The following DCP1B variants were observed in gnomAD, a reference collection of about 807,000 sequenced individuals.
The protein encoded by DCP1B is mRNA-decapping enzyme 1B.
Under a neutral mutation model 60.5 loss-of-function variants are expected in DCP1B, and 47 were observed. The ratio of observed to expected loss-of-function variants is 0.78; its 90% CI spans 0.61 to 0.99. The LOEUF is 0.99. Among genes scored for constraint, DCP1B ranks in the 50% least tolerant of loss-of-function variants. The pLI, the probability that DCP1B is intolerant of heterozygous loss-of-function variation, is 0.00. For synonymous variants in DCP1B, 267 were observed against 280.3 expected, an observed-to-expected ratio of 0.95 and a Z score of 0.47; for missense variants, 725 against 756.8, an observed-to-expected ratio of 0.96 and a Z score of 0.49.
intron 3 of DCP1B, among the ~76,000 whole-genome samples, chr12:1,970,131 T>C (rs1186539061): frequency 6.6e-6 from 1 of 152,172 alleles, no homozygotes; most frequent in Non-Finnish European, 1.5e-5. Context: ...AAGAAAACTG[T>C]TGATACAAAT....
At position 2,003,165 on chromosome 12, in the gene DCP1B, T is replaced by A. The variant is rs2042582447; in HGVS notation, c.150+1117A>T. Among the ~76,000 whole-genome samples, 4 of 152,218 alleles carry A rather than the reference T, an allele frequency of 2.6e-5. No homozygotes were observed. The South Asian group carries it at 6.2e-4, about 24-fold the overall frequency. On this transcript the variant is annotated intron_variant, in intron 1 of 8. Coordinates refer to ENST00000280665, the MANE Select transcript of DCP1B (RefSeq NM_152640.5). The stretch of plus-strand genomic sequence containing the variant: ...ATTCTTGCTTGTCTTTTTATTTTTA[T>A]GTTAATGATTTTCAGGTGAGTTTTT...
chr12:1,967,913 G>A lies in DCP1B; in HGVS notation c.320-3C>T, dbSNP rs1199446892. ...AAACCAAATTCCATAGATGGACACT[G>A]CAAAAAACACACATCAAACAAATTA... On this transcript the variant is annotated splice_region_variant and splice_polypyrimidine_tract_variant and intron_variant, in intron 3 of 8. Transcript: ENST00000280665. The A allele has an allele frequency of 6.2e-7, 1 of 1,608,450 alleles. No individual in the cohort carries two copies. Among genetic ancestry groups the A allele is most frequent in the Non-Finnish European group, 8.5e-7 (1 of 1,178,392 alleles).
intron 3 of DCP1B, among the ~76,000 whole-genome samples, chr12:1,990,123 A>G (rs928566935): frequency 1.3e-5 from 2 of 152,178 alleles, no homozygotes; most frequent in Non-Finnish European, 2.9e-5. Flanking sequence ...TTCCATCTCA[A>G]AATAGTCATG....
intron 5 of DCP1B, among the ~76,000 whole-genome samples, chr12:1,964,107 T>C (rs113104645): frequency 0.027 from 4,145 of 152,288 alleles, 95 homozygotes; most frequent in Middle Eastern, 0.054. Flanking sequence ...TATAATGTCT[T>C]GCAGTTCTTT....
chr12:1,957,411 A>G (rs1317085367), intron 5 of DCP1B, among the ~76,000 whole-genome samples: 1 of 152,246 alleles, frequency 6.6e-6, no homozygotes, highest in East Asian at 1.9e-4. Context: ...ATAAAAGTAT[A>G]AAAAGTTTCT....
At chr12:1,941,744 G>A (rs2030284041), downstream of DCP1B, among the ~76,000 whole-genome samples, 1 of 152,078 alleles carries the variant, frequency 6.6e-6, no homozygotes, top group Non-Finnish European at 1.5e-5. Flanking sequence ...TAACAGTCAG[G>A]CCCCTCTGCT....
chr12:1,958,628 G>A (rs575699153), intron 5 of DCP1B, among the ~76,000 whole-genome samples: 79 of 122,766 alleles, frequency 6.4e-4, no homozygotes, highest in East Asian at 1.0e-3. Context: ...CTCCTGGAAG[G>A]AGACAGGGGA....
chr12:2,000,012 T>C lies in DCP1B; in HGVS notation c.151-2037A>G, dbSNP rs568758969. On this transcript the variant is annotated intron_variant, in intron 1 of 8. Coordinates refer to ENST00000280665, the MANE Select transcript of DCP1B (RefSeq NM_152640.5). ...TAATTCCTATCTGCTGACAAATGTATATCCTGAGTGTACCTGAAGCACTAA... is the reference window on the plus strand; with the variant it reads ...TAATTCCTATCTGCTGACAAATGTACATCCTGAGTGTACCTGAAGCACTAA... Among the ~76,000 whole-genome samples, 22 of 152,314 alleles carry C rather than the reference T, an allele frequency of 1.4e-4. No homozygotes were observed. In the South Asian group the frequency reaches 1.9e-3, roughly 13 times the overall value.
chr12:1,998,246 C>G (rs192949853), intron 1 of DCP1B, among the ~76,000 whole-genome samples: 1 of 152,206 alleles, frequency 6.6e-6, no homozygotes, highest in East Asian at 1.9e-4. Flanking sequence ...AGCAGCATAC[C>G]CTTAGCTGAA....
chr12:2,002,620 A>C (rs1212125665), intron 1 of DCP1B, among the ~76,000 whole-genome samples: 1 of 152,200 alleles, frequency 6.6e-6, no homozygotes, highest in Non-Finnish European at 1.5e-5. Context: ...ACTATTATTC[A>C]AGAGAAATGC....
At chr12:1,951,088 A>G (rs982732187) in intron 7 of DCP1B, among the ~76,000 whole-genome samples, 2 of 152,160 alleles carry the variant, frequency 1.3e-5, no homozygotes, top group Non-Finnish European at 2.9e-5. Flanking sequence ...CCAGGCCAAC[A>G]TCGTGACACC....
Position 1,949,086 on chromosome 12 carries a change from C to G in DCP1B, c.1773G>C (p.Gln591His), listed in dbSNP as rs1033313086. ...QLQEALLYLI[Q>H]NDDNFLNIIY... ...GAAGGGAGATGACGTGCTTGCTTAC[C>G]TGAATGAGGTACAGCAGTGCCTCCT... The change falls in exon 8 of 9, where the codon CAG becomes CAC. Residue 591 changes from glutamine (Q) to histidine (H), a missense_variant and splice_region_variant. Coordinates refer to ENST00000280665, the MANE Select transcript of DCP1B (RefSeq NM_152640.5). 1.2e-6 allele frequency: 2 copies of G among 1,610,852 alleles called. No homozygotes were observed. Among genetic ancestry groups the G allele is most frequent in the African/African-American group, 2.7e-5 (2 of 74,844 alleles).
At chr12:1,990,447 T>A (rs1287293758) in intron 3 of DCP1B, among the ~76,000 whole-genome samples, 1 of 152,260 alleles carries the variant, frequency 6.6e-6, no homozygotes, top group Non-Finnish European at 1.5e-5. Flanking sequence ...ACTCTATTTA[T>A]CAAGCATCTT....
At chr12:1,994,720 T>G (rs1257836083) in intron 2 of DCP1B, among the ~76,000 whole-genome samples, 4 of 152,228 alleles carry the variant, frequency 2.6e-5, no homozygotes, top group Admixed American at 2.6e-4. Context: ...CATACAAGAA[T>G]GAGAATTTGA....
In DCP1B at chr12:1,952,735, T is replaced by C. The variant is rs752875538; in HGVS notation, c.1205A>G (p.Gln402Arg). 4 of 1,614,056 alleles carry C rather than the reference T, an allele frequency of 2.5e-6. No homozygotes were observed. The highest frequency in any genetic ancestry group is 1.6e-4 in the Middle Eastern group (1 of 6,084). The change falls in exon 7 of 9, where the codon CAG becomes CGG. Residue 402 changes from glutamine to arginine, a missense_variant. Gln to Arg is a conservative substitution (Grantham distance 43). Transcript: ENST00000280665. ...GCCATTGAAATAGGCCTGTGGTGGC[T>C]GAGCCAGACCCTTTCCTGGAGCCAC... ...TPVAPGKGLAQPPQAYFNGSL... is the reference protein window; with the variant it reads ...TPVAPGKGLARPPQAYFNGSL...
At chr12:2,004,202 G>A (rs1215668813) in intron 1 of DCP1B, 80 bp downstream of exon 1, 5 of 1,564,304 alleles carry the variant, frequency 3.2e-6, no homozygotes, top group East Asian at 2.4e-5. Context: ...CCCCCTCACC[G>A]GGTCCTCAAG....
chr12:1,963,107 G>C (rs2031179785), intron 5 of DCP1B, among the ~76,000 whole-genome samples: 1 of 152,230 alleles, frequency 6.6e-6, no homozygotes, highest in East Asian at 1.9e-4. Context: ...AATATTTCAA[G>C]ATGGTGCTGT....
chr12:1,950,144 A>G (rs2030609429), intron 7 of DCP1B: 1 of 574,860 alleles, frequency 1.7e-6, no homozygotes, highest in South Asian at 2.3e-5. Context: ...GAGGGAGGCA[A>G]GGAGGCCAGC....
chr12:1,956,378 G>A (rs1445759983), intron 5 of DCP1B, among the ~76,000 whole-genome samples: 7 of 152,128 alleles, frequency 4.6e-5, no homozygotes, highest in African/African-American at 7.2e-5. Context: ...GTACAGCCAA[G>A]GCCTCAGGCC....
Sources: gnomAD v4.1 joint callset for allele counts (sites outside exome capture counted in the v4.1 genomes callset) on GRCh38, gnomAD v4.1.1 for gene constraint, MANE v1.5 for transcripts, NCBI Gene and HGNC (gene_info 2026-07-23, HGNC 2026-07-21) for gene names.